BRCA1: variants seen among roughly 807,000 people sequenced by gnomAD.
BRCA1 encodes breast cancer type 1 susceptibility protein.
A neutral mutation model predicts 173.7 loss-of-function variants in BRCA1; 140 were observed. The observed-to-expected ratio is 0.81, with a 90% CI of 0.70 to 0.93. The LOEUF is 0.93. Among genes scored for constraint, BRCA1 ranks in the 40% least tolerant of loss-of-function variants. The pLI, the probability that BRCA1 is intolerant of heterozygous loss-of-function variation, is 0.00. For missense variants in BRCA1, 1,983 were observed against 2,172.5 expected (o/e 0.91, Z 1.73); for synonymous variants, 662 against 756.0 (o/e 0.88, Z 2.04).
intron 17 of BRCA1, 98 bp downstream of exon 17, chr17:43,063,776 A>C (rs774553547): frequency 1.8e-5 from 17 of 937,014 alleles, no homozygotes; most frequent in Admixed American, 1.2e-4. Context: ...GGTAACTCAG[A>C]CTCAGCATCA....
chr17:43,067,784 C>A (rs2153725155), intron 15 of BRCA1, 89 bp from the exon 16 acceptor site: 1 of 1,014,200 alleles, frequency 9.9e-7, no homozygotes, highest in Non-Finnish European at 1.5e-6. Flanking sequence ...ATATGTTTAC[C>A]TATGTAGCAA....
Position 43,092,107 on chromosome 17 carries a change from C to A in BRCA1, c.3424G>T (p.Ala1142Ser), listed in dbSNP as rs80357101. The A allele has an allele frequency of 6.2e-7, 1 of 1,613,984 alleles. No homozygotes were observed. Among genetic ancestry groups the A allele is most frequent in the Middle Eastern group, 1.6e-4 (1 of 6,062 alleles). Residue 1142 changes from alanine to serine, a missense_variant, in exon 10 of 23, where the codon GCA becomes TCA. Physicochemically the swap from Ala to Ser is moderately conservative, Grantham distance 99. Transcript: ENST00000357654. The stretch of plus-strand genomic sequence containing the variant: ...GGTGTCTCAGAACAAACCTGAGATG[C>A]ATGACTACTTCCCATAGGCTGTTCT... ...NLEQPMGSSH[A>S]SQVCSETPDD...
intron 15 of BRCA1, among the ~76,000 whole-genome samples, chr17:43,069,761 T>TA (rs1227711112): frequency 1.3e-5 from 2 of 152,190 alleles, no homozygotes; most frequent in East Asian, 1.9e-4. Context: ...TTATGCTAAG[T>TA]AACTACCTAT....
rs1267083930 is a variant in BRCA1, at chr17:43,047,776, T to G, written c.5407-73A>C. Reference sequence around the variant, plus strand: ...ACTGGAACTGTCACTTCATCATTTTTTTTGTTTGTTTTTGAGACAGGGTCT... The same window carrying G: ...ACTGGAACTGTCACTTCATCATTTTGTTTGTTTGTTTTTGAGACAGGGTCT... On this transcript the variant is annotated intron_variant, in intron 21 of 22. Transcript: ENST00000357654. 1.3e-5 allele frequency: 20 copies of G among 1,532,210 alleles called. No individual in the cohort carries two copies. Among genetic ancestry groups the G allele is most frequent in the Admixed American group, 6.8e-5 (4 of 58,614 alleles). 94.9% of individuals were successfully genotyped at this position (1,532,210 alleles called of 1,614,324 possible). A position where few individuals can be genotyped will look rare whatever the true frequency, so the allele number is the denominator to read the frequency against.
intron 3 of BRCA1, among the ~76,000 whole-genome samples, chr17:43,111,463 T>C (rs950816295): frequency 6.6e-6 from 1 of 151,636 alleles, no homozygotes; most frequent in Non-Finnish European, 1.5e-5. Context: ...GAGGTGGCAG[T>C]GAGCTGAGAT....
At chr17:43,052,200 G>A (rs1159630045) in intron 19 of BRCA1, among the ~76,000 whole-genome samples, 1 of 152,194 alleles carries the variant, frequency 6.6e-6, no homozygotes, top group Admixed American at 6.5e-5. Context: ...ATGCTAATAA[G>A]GTAGCCATGA....
intron 6 of BRCA1, among the ~76,000 whole-genome samples, chr17:43,102,711 G>A (rs936945176): frequency 3.3e-5 from 5 of 150,742 alleles, no homozygotes; most frequent in South Asian, 2.1e-4. Context: ...GAAGTGCAGT[G>A]GAGTGATCAT....
chr17:43,123,791 C>A (rs2055700961), intron 2 of BRCA1, among the ~76,000 whole-genome samples: 1 of 152,204 alleles, frequency 6.6e-6, no homozygotes, highest in Non-Finnish European at 1.5e-5. Context: ...TCCCGGACCA[C>A]AGGATTTGTG....
intron 19 of BRCA1, among the ~76,000 whole-genome samples, chr17:43,056,073 A>G (rs973955038): frequency 6.6e-6 from 1 of 152,208 alleles, no homozygotes; most frequent in Admixed American, 6.5e-5. Context: ...CACATCTGTA[A>G]TATAGGCATA....
chr17:43,166,968 G>A (rs1444036404), intron 1 of BRCA1: 1 of 152,220 alleles, frequency 6.6e-6, no homozygotes, highest in Non-Finnish European at 1.5e-5. Flanking sequence ...AAGTTTCAAA[G>A]ACTACTCTTA....
At chr17:43,125,111 T>TCCCCCCCCCC in intron 1 of BRCA1, 160 bp downstream of exon 1, 15 of 423,304 alleles carry the variant, frequency 3.5e-5, no homozygotes, top group South Asian at 9.7e-5. Context: ...ACCTACAAAC[T>TCCCCCCCCCC]GCCCCCCTCC....
intron 1 of BRCA1, among the ~76,000 whole-genome samples, chr17:43,155,002 C>T (rs1422420538): frequency 6.6e-6 from 1 of 152,096 alleles, no homozygotes; most frequent in Admixed American, 6.6e-5. Context: ...GCAGAGAAGG[C>T]AAACCCTGAG....
chr17:43,071,522 A>G (rs965245437), intron 14 of BRCA1, among the ~76,000 whole-genome samples: 1 of 73,080 alleles, frequency 1.4e-5, no homozygotes, highest in African/African-American at 4.1e-5. Flanking sequence ...TAGTCATAGG[A>G]ATAGTATAAT....
At chr17:43,127,047 C>T (rs1193815464), upstream of BRCA1, among the ~76,000 whole-genome samples, 2 of 152,228 alleles carry the variant, frequency 1.3e-5, no homozygotes, top group Non-Finnish European at 2.9e-5. Flanking sequence ...GGGCCCCAGC[C>T]GCCCTGCACA....
chr17:43,048,780 A>C (rs1008087216), intron 21 of BRCA1, among the ~76,000 whole-genome samples: 2 of 151,724 alleles, frequency 1.3e-5, no homozygotes, highest in Admixed American at 6.6e-5. Flanking sequence ...GGCCTCCCAA[A>C]GTGCTGGGAT....
chr17:43,132,843 A>C (rs1433001263), intron 1 of BRCA1: 1 of 150,992 alleles, frequency 6.6e-6, no homozygotes, highest in Non-Finnish European at 1.5e-5. Flanking sequence ...GGCTCACTGC[A>C]AGCTCTGCCT....
chr17:43,102,070 GT>G (rs150421137), intron 6 of BRCA1, among the ~76,000 whole-genome samples: 4 of 150,346 alleles, frequency 2.7e-5, no homozygotes, highest in Non-Finnish European at 5.9e-5. Context: ...GCCCAGCTAA[GT>G]TTTTTTGTTT....
At chr17:43,157,995 CAAA>C (rs557006036) in intron 1 of BRCA1, among the ~76,000 whole-genome samples, 7 of 65,940 alleles carry the variant, frequency 1.1e-4, no homozygotes, top group Non-Finnish European at 1.1e-4. Context: ...AACTCTGTCT[CAAA>C]AAAAAAAAAA....
At position 43,093,393 on chromosome 17, in the gene BRCA1, G is replaced by C. The variant is rs80357233; in HGVS notation, c.2138C>G (p.Ser713Ter). Residue 713 changes from serine (S) to a stop codon, truncating the protein, a stop_gained, in exon 10 of 23, where the codon TCA (serine) becomes TGA (stop). Transcript: ENST00000357654. LOFTEE classifies it high-confidence loss of function. ...AAATTCTTTAAGTTCACTGGTATTT[G>C]AACACTTAGTAAAAGAACCAGGTGC... ...TNAPGSFTKC[S>*]NTSELKEFVN... 2 of 1,613,858 alleles carry C rather than the reference G, an allele frequency of 1.2e-6. No individual in the cohort carries two copies. Among genetic ancestry groups the C allele is most frequent in the Non-Finnish European group, 1.7e-6 (2 of 1,179,990 alleles).
Sources: gnomAD v4.1 joint callset for allele counts (sites outside exome capture counted in the v4.1 genomes callset) on GRCh38, gnomAD v4.1.1 for gene constraint, MANE v1.5 for transcripts, NCBI Gene and HGNC (gene_info 2026-07-23, HGNC 2026-07-21) for gene names.